The following ELK3 variants were observed in gnomAD, a reference collection of about 807,000 sequenced individuals.
ELK3 encodes the protein ETS domain-containing protein Elk-3.
In ELK3, 10 loss-of-function variants were observed where a neutral mutation model predicts 28.9. The ratio of observed to expected loss-of-function variants is 0.35; its 90% CI spans 0.21 to 0.59. The LOEUF (loss-of-function observed/expected upper bound fraction) is 0.59. ELK3 is among the 20% of genes least tolerant of loss of function. ELK3 has a pLI of 0.82. For synonymous variants in ELK3, 272 were observed against 243.5 expected (o/e 1.12, Z -1.09); for missense variants, 463 against 517.3 (o/e 0.90, Z 1.02).
chr12:96,232,595 A>AT (rs1244304148), intron 2 of ELK3, among the ~76,000 whole-genome samples: 1 of 144,696 alleles, frequency 6.9e-6, no homozygotes, highest in African/African-American at 2.6e-5. Flanking sequence ...ATAAAAATAC[A>AT]TTAAAAAAAA....
intron 2 of ELK3, among the ~76,000 whole-genome samples, chr12:96,245,130 A>ATGAGATCTCC (rs1565788292): frequency 6.6e-6 from 1 of 152,088 alleles, no homozygotes; most frequent in African/African-American, 2.4e-5. Context: ...ATGACTCTGT[A>ATGAGATCTCC]TGAGATCTCC....
At position 96,259,811 on chromosome 12, in the gene ELK3, G is replaced by A. The variant is rs1241545635; in HGVS notation, c.1083G>A (p.Pro361=). ...HFWSSLSPVA[P]LSPARLQGPS... ...GGAGCAGCCTTAGTCCAGTTGCTCCGCTGAGTCCTGCCAGGCTGCAAGGGC... is the reference window on the plus strand; with the variant it reads ...GGAGCAGCCTTAGTCCAGTTGCTCCACTGAGTCCTGCCAGGCTGCAAGGGC... The change falls in exon 4 of 5, where the codon CCG becomes CCA. Residue 361 remains proline, a synonymous_variant. Coordinates refer to ENST00000228741, the MANE Select transcript of ELK3 (RefSeq NM_005230.4). 25 of 1,608,330 alleles carry A rather than the reference G, an allele frequency of 1.6e-5. No individual in the cohort carries two copies. Among genetic ancestry groups the A allele is most frequent in the African/African-American group, 8.0e-5 (6 of 74,856 alleles).
chr12:96,228,354 G>A (rs1003217313), intron 2 of ELK3, among the ~76,000 whole-genome samples: 16 of 144,036 alleles, frequency 1.1e-4, no homozygotes, highest in Non-Finnish European at 2.1e-4. Flanking sequence ...GGAGGCAGAG[G>A]TTGCAGTGAG....
At chr12:96,223,454 C>T in intron 1 of ELK3, 111 bp from the exon 2 acceptor site, 1 of 996,888 alleles carries the variant, frequency 1.0e-6, no homozygotes, top group Non-Finnish European at 1.6e-6. Context: ...ATTAGGTTCA[C>T]TGGGGGAAGG....
At chr12:96,231,147 G>T (rs991058563) in intron 2 of ELK3, among the ~76,000 whole-genome samples, 5 of 152,132 alleles carry the variant, frequency 3.3e-5, no homozygotes, top group Non-Finnish European at 7.4e-5. Context: ...TTTTTCCCTT[G>T]GTCTTGTTTT....
rs202100958 is a variant in ELK3 at position 96,247,320 on chromosome 12, G to A, written c.588G>A (p.Arg196=). 7 of 1,614,262 alleles carry A rather than the reference G, an allele frequency of 4.3e-6. No individual in the cohort carries two copies. The East Asian group carries it at 1.3e-4, about 31-fold the overall frequency. Residue 196 remains arginine, a synonymous_variant, in exon 3 of 5, where the codon AGG becomes AGA. Transcript: ENST00000228741. The surrounding 1 kb of genome is among the most constrained non-coding windows in gnomAD (Gnocchi z 5.5). ...ATAAAACCGACAAGCACGTCACCAGGCCGGTGGTGTCCCTGCCTTCCACGT... is the reference window on the plus strand; with the variant it reads ...ATAAAACCGACAAGCACGTCACCAGACCGGTGGTGTCCCTGCCTTCCACGT... ...VTNKTDKHVT[R]PVVSLPSTSE... is the part of the protein sequence containing the mutation.
At chr12:96,224,777 C>T (rs993362296) in intron 2 of ELK3, among the ~76,000 whole-genome samples, 3 of 152,144 alleles carry the variant, frequency 2.0e-5, no homozygotes, top group Non-Finnish European at 4.4e-5. Flanking sequence ...AGGCATAGAG[C>T]CATGATAATG....
intron 1 of ELK3, among the ~76,000 whole-genome samples, chr12:96,203,124 A>G (rs1010162848): frequency 2.0e-5 from 3 of 148,468 alleles, no homozygotes; most frequent in Non-Finnish European, 3.0e-5. Context: ...CTCGTGATCC[A>G]CCCGCCTCAG....
intron 2 of ELK3, among the ~76,000 whole-genome samples, chr12:96,239,422 A>C (rs542615234): frequency 1.5e-3 from 225 of 152,230 alleles, no homozygotes; most frequent in Non-Finnish European, 2.6e-3. Flanking sequence ...CCCAATATTT[A>C]ACCTACCCCC....
intron 4 of ELK3, among the ~76,000 whole-genome samples, chr12:96,261,039 A>T (rs1448180202): frequency 1.3e-5 from 2 of 152,220 alleles, no homozygotes; most frequent in Admixed American, 6.5e-5. Flanking sequence ...ATTCACAAAG[A>T]GAAGTCTGAG....
At chr12:96,215,511 G>A (rs925163963) in intron 1 of ELK3, among the ~76,000 whole-genome samples, 12 of 152,000 alleles carry the variant, frequency 7.9e-5, no homozygotes, top group Non-Finnish European at 1.8e-4. Context: ...CGGGCACAGC[G>A]TAATGAGAAT....
intron 3 of ELK3, among the ~76,000 whole-genome samples, chr12:96,252,141 A>G (rs1951912289): frequency 6.6e-6 from 1 of 152,234 alleles, no homozygotes; most frequent in South Asian, 2.1e-4. Context: ...TGGAACAACA[A>G]AGTCTGGACG....
At position 96,228,416 on chromosome 12, in the gene ELK3, C is replaced by CAAAAAAAAAAA. The variant is rs71091236; in HGVS notation, c.207+4661_207+4671dup. Among the ~76,000 whole-genome samples, 76 of 68,312 alleles carry CAAAAAAAAAAA rather than the reference C, an allele frequency of 1.1e-3. 1 individual carries two copies. The East Asian group carries it at 0.012, about 11-fold the overall frequency. The allele number at this position is 68,312 out of a possible 152,430, so 44.8% of individuals were successfully genotyped here. On this transcript the variant is annotated intron_variant, in intron 2 of 4. Coordinates refer to ENST00000228741, the MANE Select transcript of ELK3 (RefSeq NM_005230.4). ...CTGGCGACAGAGTGAGACTCTGTGT[C>CAAAAAAAAAAA]AAAAAAAAAAAAAAAAAAAAAAAAA...
chr12:96,260,959 G>A (rs1455467862), intron 4 of ELK3, among the ~76,000 whole-genome samples: 1 of 152,130 alleles, frequency 6.6e-6, no homozygotes, highest in Non-Finnish European at 1.5e-5. Flanking sequence ...TGTTCACTGT[G>A]GTGTCCCCAG....
chr12:96,257,017 CT>C (rs1409475683), intron 3 of ELK3, among the ~76,000 whole-genome samples: 7 of 152,234 alleles, frequency 4.6e-5, no homozygotes, highest in Non-Finnish European at 7.3e-5. Context: ...GTGGCATCTC[CT>C]TTCCCAGCAG....
At chr12:96,203,000 A>T (rs1951516501) in intron 1 of ELK3, among the ~76,000 whole-genome samples, 1 of 152,014 alleles carries the variant, frequency 6.6e-6, no homozygotes, top group Non-Finnish European at 1.5e-5. Flanking sequence ...CTTCTGCCTC[A>T]GCCTCCCAAG....
At chr12:96,236,131 C>G (rs774053103) in intron 2 of ELK3, among the ~76,000 whole-genome samples, 1 of 152,114 alleles carries the variant, frequency 6.6e-6, no homozygotes, top group Non-Finnish European at 1.5e-5. Context: ...GCCTGAGCAG[C>G]TTTATGTTCT....
intron 3 of ELK3, among the ~76,000 whole-genome samples, chr12:96,255,153 G>A (rs1951938420): frequency 6.6e-6 from 1 of 152,094 alleles, no homozygotes; most frequent in South Asian, 2.1e-4. Flanking sequence ...GCCGTCAGCA[G>A]GAGTTGGTGA....
chr12:96,229,672 C>T (rs564930819), intron 2 of ELK3, among the ~76,000 whole-genome samples: 4 of 152,108 alleles, frequency 2.6e-5, no homozygotes, highest in Non-Finnish European at 5.9e-5. Context: ...GCTGGGACTA[C>T]AGGCATGTGC....
Sources: gnomAD v4.1 joint callset for allele counts (sites outside exome capture counted in the v4.1 genomes callset) on GRCh38, gnomAD v4.1.1 for gene constraint, Gnocchi (gnomAD v3.1) non-coding constraint, MANE v1.5 for transcripts, NCBI Gene and HGNC (gene_info 2026-07-23, HGNC 2026-07-21) for gene names.